The following ZBTB20 variants were observed in gnomAD, a reference collection of about 807,000 sequenced individuals.
ZBTB20 encodes zinc finger and BTB domain containing 20, also known as zinc finger and BTB domain-containing protein 20.
ZBTB20 carries 9 observed loss-of-function variants against 56.9 expected under a neutral mutation model. The observed-to-expected ratio is 0.16, with a 90% CI of 0.10 to 0.28. The LOEUF (loss-of-function observed/expected upper bound fraction) is 0.28, where lower values mean the gene tolerates loss of function less well. Ranked by LOEUF, ZBTB20 falls within the 10% of genes least tolerant of loss-of-function variation. ZBTB20 has a pLI of 1.00. For missense variants in ZBTB20, 655 were observed against 1,003.0 expected, an observed-to-expected ratio of 0.65 and a Z score of 4.69; for synonymous variants, 417 against 420.7, an observed-to-expected ratio of 0.99 and a Z score of 0.11.
At chr3:114,567,796 T>A (rs2052960090) in intron 6 of ZBTB20, among the ~76,000 whole-genome samples, 1 of 152,170 alleles carries the variant, frequency 6.6e-6, no homozygotes, top group Non-Finnish European at 1.5e-5. Context: ...TTGAAACCCC[T>A]GGAATACAGA....
intron 10 of ZBTB20, among the ~76,000 whole-genome samples, chr3:114,374,568 T>C (rs538042623): frequency 6.6e-6 from 1 of 152,336 alleles, no homozygotes; most frequent in African/African-American, 2.4e-5. Flanking sequence ...ATGTCTCTAT[T>C]ACGGTTCTTC....
intron 6 of ZBTB20, among the ~76,000 whole-genome samples, chr3:114,657,239 G>C (rs1204774660): frequency 6.6e-6 from 1 of 152,090 alleles, no homozygotes; most frequent in African/African-American, 2.4e-5. Flanking sequence ...TTTATTATTT[G>C]ACAGAAACTT....
At chr3:114,377,459 T>A (rs1474448891) in intron 10 of ZBTB20, among the ~76,000 whole-genome samples, 2 of 152,174 alleles carry the variant, frequency 1.3e-5, no homozygotes, top group East Asian at 3.8e-4. Context: ...AACTGAGAAT[T>A]TAGGGGGTCA....
chr3:115,078,614 T>TGTGTAA (rs1491243721), intron 1 of ZBTB20, among the ~76,000 whole-genome samples: 4 of 98,568 alleles, frequency 4.1e-5, no homozygotes, highest in African/African-American at 2.9e-4. Context: ...TGTGTGTGTG[T>TGTGTAA]ATATATATAT....
chr3:115,069,795 T>C (rs138115975), intron 2 of ZBTB20, among the ~76,000 whole-genome samples: 41 of 152,118 alleles, frequency 2.7e-4, no homozygotes, highest in African/African-American at 9.6e-4. Flanking sequence ...TTTTTTAGTA[T>C]GTTACTTGTA....
intron 6 of ZBTB20, among the ~76,000 whole-genome samples, chr3:114,668,993 C>T (rs77659336): frequency 6.6e-6 from 1 of 152,140 alleles, no homozygotes. Context: ...AAGTGAACAA[C>T]AACAACAAAA....
intron 3 of ZBTB20, among the ~76,000 whole-genome samples, chr3:114,971,631 C>CA (rs1485220463): frequency 3.3e-5 from 5 of 151,946 alleles, no homozygotes; most frequent in Admixed American, 6.6e-5. Flanking sequence ...TAGAAACTGT[C>CA]AAAAAAAGTG....
At chr3:114,895,634 G>T (rs887200166) in intron 4 of ZBTB20, among the ~76,000 whole-genome samples, 21 of 152,064 alleles carry the variant, frequency 1.4e-4, no homozygotes, top group African/African-American at 5.1e-4. Context: ...TAATGTATGT[G>T]TCCCACACTT....
At chr3:114,543,232 A>G (rs988827670) in intron 6 of ZBTB20, among the ~76,000 whole-genome samples, 1 of 151,838 alleles carries the variant, frequency 6.6e-6, no homozygotes, top group Non-Finnish European at 1.5e-5. Flanking sequence ...GGTATTTTTA[A>G]TTTGTCTTTT....
intron 7 of ZBTB20, among the ~76,000 whole-genome samples, chr3:114,391,066 T>C (rs1424303753): frequency 6.6e-6 from 1 of 152,062 alleles, no homozygotes. Flanking sequence ...CCTGAATCAA[T>C]ACCTGTTTTC....
At chr3:114,684,503 A>C (rs1358584655) in intron 6 of ZBTB20, 1 of 152,302 alleles carries the variant, frequency 6.6e-6, no homozygotes, top group African/African-American at 2.4e-5. Context: ...AATGAGTTAG[A>C]TATACAGAAA....
chr3:114,487,708 C>A (rs1029753941), intron 7 of ZBTB20, among the ~76,000 whole-genome samples: 1 of 152,180 alleles, frequency 6.6e-6, no homozygotes, highest in Non-Finnish European at 1.5e-5. Flanking sequence ...ACAGTTTGCA[C>A]GGCAGAGGCG....
At chr3:114,872,066 A>T (rs1025466565) in intron 4 of ZBTB20, among the ~76,000 whole-genome samples, 2 of 152,152 alleles carry the variant, frequency 1.3e-5, no homozygotes, top group East Asian at 3.9e-4. Context: ...AGCAAACTCA[A>T]ATATTATTTG....
chr3:115,010,206 G>A (rs1239266830), intron 2 of ZBTB20, among the ~76,000 whole-genome samples: 2 of 151,934 alleles, frequency 1.3e-5, no homozygotes, highest in African/African-American at 4.8e-5. Flanking sequence ...TTGCTGTCCT[G>A]AAGAGAAGTA....
At chr3:114,726,100 G>A (rs2065256357) in intron 5 of ZBTB20, among the ~76,000 whole-genome samples, 2 of 152,188 alleles carry the variant, frequency 1.3e-5, no homozygotes, top group African/African-American at 4.8e-5. Context: ...GGCACTGAGA[G>A]TTACAGGGAG....
intron 2 of ZBTB20, among the ~76,000 whole-genome samples, chr3:115,005,882 G>A (rs2079444326): frequency 6.6e-6 from 1 of 151,674 alleles, no homozygotes. Flanking sequence ...TTCATTTAGG[G>A]CAAAATTCTA....
At chr3:114,686,640 T>G (rs552300037) in intron 6 of ZBTB20, among the ~76,000 whole-genome samples, 1 of 152,280 alleles carries the variant, frequency 6.6e-6, no homozygotes, top group South Asian at 2.1e-4. Flanking sequence ...TAATATACCT[T>G]TCTCTATCAT....
chr3:114,595,801 C>G (rs1020898733), intron 6 of ZBTB20, among the ~76,000 whole-genome samples: 1 of 152,152 alleles, frequency 6.6e-6, no homozygotes, highest in Non-Finnish European at 1.5e-5. Context: ...ATTCTTGTCA[C>G]AAGATACGGT....
At chr3:114,843,784 C>T (rs1472907616) in intron 4 of ZBTB20, among the ~76,000 whole-genome samples, 1 of 152,026 alleles carries the variant, frequency 6.6e-6, no homozygotes, top group Non-Finnish European at 1.5e-5. Flanking sequence ...TCAAGTGATT[C>T]TCCTGCCTCA....
Sources: gnomAD v4.1 joint callset for allele counts (sites outside exome capture counted in the v4.1 genomes callset) on GRCh38, gnomAD v4.1.1 for gene constraint, MANE v1.5 for transcripts, NCBI Gene and HGNC (gene_info 2026-07-23, HGNC 2026-07-21) for gene names.